Variants in TMEM163 observed in about 807,000 individuals in gnomAD.
TMEM163 encodes transmembrane protein 163.
A neutral mutation model predicts 29.3 loss-of-function variants in TMEM163; 17 were observed. That is an observed-to-expected ratio of 0.58 (90% CI 0.40 to 0.87). TMEM163 has a LOEUF of 0.87. TMEM163 is among the 40% of genes least tolerant of loss of function. TMEM163 has a pLI of 0.00. For missense variants in TMEM163, 303 were observed against 381.5 expected (o/e 0.79, Z 1.71); for synonymous variants, 157 against 160.6 (o/e 0.98, Z 0.17).
At position 134,549,307 on chromosome 2, in the gene TMEM163, T is replaced by C. The variant is rs1220282638; in HGVS notation, c.458+1263A>G. 2.0e-5 allele frequency among the ~76,000 whole-genome samples: 3 copies of C among 152,194 alleles called. No homozygotes were observed. In the East Asian group the frequency reaches 5.8e-4, roughly 29 times the overall value. ...GAATCACTTGGCCTCAAAGAGGTAT[T>C]GCAACACTTGTATGTTGGAATATGG... On this transcript the variant is annotated intron_variant, in intron 4 of 7. Coordinates refer to ENST00000281924, the MANE Select transcript of TMEM163 (RefSeq NM_030923.5).
chr2:134,624,991 A>C (rs1682816590), intron 2 of TMEM163, among the ~76,000 whole-genome samples: 1 of 152,192 alleles, frequency 6.6e-6, no homozygotes, highest in African/African-American at 2.4e-5. Flanking sequence ...TACTACCTGT[A>C]GTTACTTAGT....
chr2:134,464,758 G>A (rs1428035638), intron 6 of TMEM163, among the ~76,000 whole-genome samples: 70 of 152,004 alleles, frequency 4.6e-4, no homozygotes, highest in Non-Finnish European at 1.5e-5. Flanking sequence ...CGACACATCT[G>A]CCAACAGTCC....
At chr2:134,687,808 G>C (rs903413542) in intron 2 of TMEM163, among the ~76,000 whole-genome samples, 1 of 152,232 alleles carries the variant, frequency 6.6e-6, no homozygotes, top group African/African-American at 2.4e-5. Context: ...TCTATGCAAG[G>C]CACCATGGGA....
chr2:134,709,045 T>C (rs1227404717), intron 2 of TMEM163, among the ~76,000 whole-genome samples: 1 of 152,234 alleles, frequency 6.6e-6, no homozygotes, highest in Non-Finnish European at 1.5e-5. Flanking sequence ...AAAATTAACT[T>C]GCACTCAAAC....
chr2:134,579,016 A>G (rs1445774975), intron 2 of TMEM163, among the ~76,000 whole-genome samples: 1 of 152,176 alleles, frequency 6.6e-6, no homozygotes, highest in Non-Finnish European at 1.5e-5. Flanking sequence ...TTCCTGCAGG[A>G]GAGAAACTTC....
At chr2:134,526,000 C>CA (rs558320444) in intron 4 of TMEM163, among the ~76,000 whole-genome samples, 2 of 152,220 alleles carry the variant, frequency 1.3e-5, no homozygotes, top group South Asian at 4.1e-4. Context: ...GAAGGGATTT[C>CA]AGCAGAGGGT....
chr2:134,466,399 G>A (rs2106474362), intron 5 of TMEM163, 174 bp from the exon 6 acceptor site: 1 of 563,258 alleles, frequency 1.8e-6, no homozygotes, highest in Non-Finnish European at 3.2e-6. Context: ...CCAGGAATTG[G>A]AAAAGATGCT....
chr2:134,559,118 AC>A (rs1181359344), intron 2 of TMEM163, among the ~76,000 whole-genome samples: 1 of 152,022 alleles, frequency 6.6e-6, no homozygotes, highest in Non-Finnish European at 1.5e-5. Flanking sequence ...AAATCTGCCC[AC>A]CCTTGGCTGT....
At chr2:134,537,753 A>G (rs1558937809) in intron 4 of TMEM163, among the ~76,000 whole-genome samples, 2 of 152,190 alleles carry the variant, frequency 1.3e-5, no homozygotes, top group Admixed American at 6.5e-5. Flanking sequence ...TCAAGCTTCA[A>G]TCCATGAGCC....
At chr2:134,602,822 C>T (rs187955983) in intron 2 of TMEM163, among the ~76,000 whole-genome samples, 48 of 152,088 alleles carry the variant, frequency 3.2e-4, no homozygotes, top group Admixed American at 7.2e-4. Flanking sequence ...AGTGTCCCAC[C>T]GCCGAGGACT....
At chr2:134,456,891 T>G in intron 7 of TMEM163, 115 bp from the exon 8 acceptor site, 1 of 1,103,912 alleles carries the variant, frequency 9.1e-7, no homozygotes. Context: ...AAATTCACCC[T>G]ATGTGGCTCG....
intron 2 of TMEM163, among the ~76,000 whole-genome samples, chr2:134,627,366 A>T (rs949170840): frequency 6.6e-5 from 10 of 152,220 alleles, no homozygotes; most frequent in African/African-American, 2.4e-4. Context: ...CTTTATAAAA[A>T]ATATTTAATT....
At position 134,458,057 on chromosome 2, in the gene TMEM163, G is replaced by C. The variant is rs1686441400; in HGVS notation, c.784C>G (p.Leu262Val). Residue 262 changes from leucine to valine, a missense_variant, in exon 7 of 8, where the codon CTC (leucine) becomes GTC (valine). Physicochemically the swap from Leu to Val is conservative, Grantham distance 32. Transcript: ENST00000281924. ...LDGSIGVLIG[L>V]TIFAYGVKLL... ...TTGACCCCATAGGCAAATATGGTGA[G>C]GCCGATCAGAACGCCTATGCTGCCG... The C allele has an allele frequency of 6.2e-7, 1 of 1,614,168 alleles. No individual in the cohort carries two copies. The highest frequency in any genetic ancestry group is 8.5e-7 in the Non-Finnish European group (1 of 1,180,034).
chr2:134,550,936 C>T (rs1680905814), intron 3 of TMEM163, among the ~76,000 whole-genome samples: 1 of 152,182 alleles, frequency 6.6e-6, no homozygotes, highest in South Asian at 2.1e-4. Context: ...GTTCACTGTT[C>T]TGAAACACAT....
rs1020914124 is a variant in TMEM163 at position 134,582,397 on chromosome 2, C to T, written c.323-30306G>A. ...AAGTGCAAGTGCTCTACAAACCGCA[C>T]GCTTTTTGCAAGAGGTTGCAGTTCT... On this transcript the variant is annotated intron_variant, in intron 2 of 7. Transcript: ENST00000281924. Among the ~76,000 whole-genome samples, 19 of 152,174 alleles carry T rather than the reference C, an allele frequency of 1.2e-4. No individual in the cohort carries two copies. The South Asian group carries it at 1.7e-3, about 13-fold the overall frequency.
intron 4 of TMEM163, among the ~76,000 whole-genome samples, chr2:134,546,121 T>C (rs1680776618): frequency 6.6e-6 from 1 of 152,202 alleles, no homozygotes; most frequent in Non-Finnish European, 1.5e-5. Context: ...TATAAAATGA[T>C]GTAACAACTA....
intron 4 of TMEM163, among the ~76,000 whole-genome samples, chr2:134,538,811 G>A (rs963062235): frequency 4.6e-5 from 7 of 152,290 alleles, no homozygotes; most frequent in South Asian, 2.1e-4. Context: ...CAGTGGCTGC[G>A]TGGGGCTGGG....
chr2:134,488,075 C>A (rs1679349617), intron 5 of TMEM163, among the ~76,000 whole-genome samples: 1 of 151,352 alleles, frequency 6.6e-6, no homozygotes, highest in Non-Finnish European at 1.5e-5. Flanking sequence ...CTAATAGCAA[C>A]AGATAGACAA....
intron 7 of TMEM163, among the ~76,000 whole-genome samples, chr2:134,457,432 TTGA>T (rs369916599): frequency 7.9e-4 from 121 of 152,344 alleles, no homozygotes; most frequent in African/African-American, 2.8e-3. Context: ...GTCCCTCTTT[TTGA>T]TGATAGCCAT....
Sources: gnomAD v4.1 joint callset for allele counts (sites outside exome capture counted in the v4.1 genomes callset) on GRCh38, gnomAD v4.1.1 for gene constraint, MANE v1.5 for transcripts, NCBI Gene and HGNC (gene_info 2026-07-23, HGNC 2026-07-21) for gene names.